Variants in MAPK10 observed in about 807,000 individuals in gnomAD.
MAPK10 encodes the protein JNK3 alpha protein kinase.
MAPK10 carries 25 observed loss-of-function variants against 59.3 expected under a neutral mutation model. The ratio of observed to expected loss-of-function variants is 0.42; its 90% CI spans 0.31 to 0.59. The LOEUF (loss-of-function observed/expected upper bound fraction) is 0.59, where lower values mean the gene tolerates loss of function less well. Ranked by LOEUF, MAPK10 falls within the 20% of genes least tolerant of loss-of-function variation. The pLI, the probability that MAPK10 is intolerant of heterozygous loss-of-function variation, is 0.15. For missense variants in MAPK10, 351 were observed against 568.9 expected, an observed-to-expected ratio of 0.62 and a Z score of 3.90; for synonymous variants, 190 against 200.5, an observed-to-expected ratio of 0.95 and a Z score of 0.44.
intron 11 of MAPK10, among the ~76,000 whole-genome samples, chr4:86,060,771 G>T (rs1282728297): frequency 6.6e-6 from 1 of 152,054 alleles, no homozygotes; most frequent in African/African-American, 2.4e-5. Context: ...ACCTGGCAAA[G>T]AAGAGGTAGG....
At chr4:86,028,408 G>A (rs1157484072) in intron 13 of MAPK10, 1 of 152,068 alleles carries the variant, frequency 6.6e-6, no homozygotes, top group Non-Finnish European at 1.5e-5. Flanking sequence ...GAGTAGTATC[G>A]ATATGAATAA....
intron 13 of MAPK10, among the ~76,000 whole-genome samples, chr4:86,022,093 G>A (rs4345173): frequency 0.21 from 32,236 of 152,174 alleles, 4,147 homozygotes; most frequent in African/African-American, 0.35. Flanking sequence ...CTCAAATGCC[G>A]CCAAAGTAGG....
At chr4:86,061,296 A>G (rs72662017) in intron 11 of MAPK10, among the ~76,000 whole-genome samples, 28 of 152,276 alleles carry the variant, frequency 1.8e-4, no homozygotes, top group Non-Finnish European at 3.8e-4. Flanking sequence ...CCAGAGTTAG[A>G]GCATCTTCTA....
At chr4:86,024,260 G>A (rs1472182277) in intron 13 of MAPK10, 2 of 152,022 alleles carry the variant, frequency 1.3e-5, no homozygotes, top group African/African-American at 4.8e-5. Flanking sequence ...ATTAAACAAA[G>A]AGCATTGAAG....
chr4:86,197,190 A>G (rs1221664757), intron 2 of MAPK10, among the ~76,000 whole-genome samples: 2 of 152,154 alleles, frequency 1.3e-5, no homozygotes, highest in Non-Finnish European at 2.9e-5. Context: ...CCTATCCATG[A>G]GCATGGAATG....
chr4:86,258,709 C>A (rs1266813335), intron 2 of MAPK10, among the ~76,000 whole-genome samples: 1 of 152,004 alleles, frequency 6.6e-6, no homozygotes. Context: ...CATATCTTAC[C>A]TAACCCTTCT....
At chr4:86,380,422 T>C (rs1740520534) in intron 1 of MAPK10, among the ~76,000 whole-genome samples, 1 of 152,104 alleles carries the variant, frequency 6.6e-6, no homozygotes, top group Non-Finnish European at 1.5e-5. Context: ...AATTAAGCCC[T>C]AAATTCTGCC....
intron 1 of MAPK10, among the ~76,000 whole-genome samples, chr4:86,436,972 G>C (rs1748806977): frequency 6.6e-6 from 1 of 152,054 alleles, no homozygotes; most frequent in South Asian, 2.1e-4. Flanking sequence ...CAGCACTTTG[G>C]GAGGCCAAGG....
At chr4:86,352,469 A>C (rs1732047303) in intron 2 of MAPK10, among the ~76,000 whole-genome samples, 1 of 152,184 alleles carries the variant, frequency 6.6e-6, no homozygotes, top group South Asian at 2.1e-4. Context: ...TGTAACTCCA[A>C]ATACATGGAG....
intron 1 of MAPK10, among the ~76,000 whole-genome samples, chr4:86,547,392 G>C (rs1360527384): frequency 1.3e-5 from 2 of 152,226 alleles, no homozygotes; most frequent in East Asian, 3.9e-4. Context: ...CGCACTCCCA[G>C]CAGTCGGCCG....
intron 1 of MAPK10, among the ~76,000 whole-genome samples, chr4:86,584,161 A>T (rs1455725803): frequency 6.6e-6 from 1 of 152,150 alleles, no homozygotes; most frequent in Non-Finnish European, 1.5e-5. Context: ...CCAACTGACA[A>T]AGTATGGCAC....
chr4:86,180,489 C>CA (rs34911547), intron 3 of MAPK10, among the ~76,000 whole-genome samples: 3,514 of 77,392 alleles, frequency 0.045, 64 homozygotes, highest in South Asian at 0.057. Flanking sequence ...GGGTGTTCAT[C>CA]AAAAAAAAAA....
chr4:86,200,158 AAT>A (rs2082289712), intron 2 of MAPK10, among the ~76,000 whole-genome samples: 1 of 152,132 alleles, frequency 6.6e-6, no homozygotes, highest in East Asian at 1.9e-4. Flanking sequence ...CTACTTTGTT[AAT>A]GTTTTAATTT....
chr4:86,086,452 T>G (rs1178708806), intron 9 of MAPK10, among the ~76,000 whole-genome samples: 1 of 152,166 alleles, frequency 6.6e-6, no homozygotes, highest in East Asian at 1.9e-4. Context: ...GGAGTGGATA[T>G]TCCATCTTCC....
At chr4:86,289,672 TTATAA>T (rs1261670242) in intron 2 of MAPK10, among the ~76,000 whole-genome samples, 2 of 150,540 alleles carry the variant, frequency 1.3e-5, no homozygotes, top group Non-Finnish European at 3.0e-5. Flanking sequence ...CATTTTATAA[TTATAA>T]TATATAATAG....
At chr4:86,079,448 T>C (rs1175397823) in intron 9 of MAPK10, 1 of 152,200 alleles carries the variant, frequency 6.6e-6, no homozygotes, top group Non-Finnish European at 1.5e-5. Context: ...ACAGGCCTCT[T>C]ACAAGACTAA....
chr4:86,201,703 A>AT (rs984516840), intron 2 of MAPK10, among the ~76,000 whole-genome samples: 2 of 151,530 alleles, frequency 1.3e-5, no homozygotes, highest in African/African-American at 4.8e-5. Context: ...TTATGAATTT[A>AT]TTTTTTTATT....
At chr4:86,351,254 TTATA>T (rs146723315) in intron 2 of MAPK10, among the ~76,000 whole-genome samples, 1 of 149,886 alleles carries the variant, frequency 6.7e-6, no homozygotes, top group African/African-American at 2.4e-5. Flanking sequence ...TATCTGTATT[TTATA>T]TATATATATA....
At chr4:86,116,822 G>A (rs968611557) in intron 4 of MAPK10, among the ~76,000 whole-genome samples, 4 of 152,204 alleles carry the variant, frequency 2.6e-5, no homozygotes, top group African/African-American at 9.6e-5. Flanking sequence ...GAGTAAAAGA[G>A]TTAATAATGT....
Sources: allele counts gnomAD v4.1 joint callset (sites outside exome capture counted in the v4.1 genomes callset), GRCh38; gene constraint gnomAD v4.1.1; transcripts MANE v1.5; gene names NCBI Gene and HGNC (gene_info 2026-07-23, HGNC 2026-07-21).